The following ATP10B variants were observed in gnomAD, a reference collection of about 807,000 sequenced individuals.
ATP10B encodes phospholipid-transporting ATPase VB.
In ATP10B, 122 loss-of-function variants were observed where a neutral mutation model predicts 141.2. That is an observed-to-expected ratio of 0.86 (90% CI 0.75 to 1.00). The LOEUF (loss-of-function observed/expected upper bound fraction) is 1.00, where lower values mean the gene tolerates loss of function less well. ATP10B is among the 50% of genes least tolerant of loss of function. ATP10B has a pLI of 0.00. For synonymous variants in ATP10B, 685 were observed against 692.0 expected, an observed-to-expected ratio of 0.99 and a Z score of 0.16; for missense variants, 1,876 against 1,825.3, an observed-to-expected ratio of 1.03 and a Z score of -0.51.
chr5:160,850,568 G>GTTCCA (rs1330364235), intron 1 of ATP10B, among the ~76,000 whole-genome samples: 1 of 152,162 alleles, frequency 6.6e-6, no homozygotes, highest in Non-Finnish European at 1.5e-5. Context: ...GCTAGACTAA[G>GTTCCA]TTCCATTCCA....
At chr5:160,698,407 ATATAT>A (rs1277221148) in intron 3 of ATP10B, among the ~76,000 whole-genome samples, 2 of 152,166 alleles carry the variant, frequency 1.3e-5, no homozygotes, top group Admixed American at 1.3e-4. Context: ...GTTGAGATTA[ATATAT>A]TATAATTTTA....
intron 6 of ATP10B, among the ~76,000 whole-genome samples, chr5:160,679,634 G>T (rs1471680757): frequency 6.6e-6 from 1 of 152,232 alleles, no homozygotes; most frequent in African/African-American, 2.4e-5. Flanking sequence ...CTATTTGTAA[G>T]TTCCTCGTGA....
At chr5:160,581,817 A>T (rs1012682246) in intron 24 of ATP10B, among the ~76,000 whole-genome samples, 1 of 152,204 alleles carries the variant, frequency 6.6e-6, no homozygotes, top group Non-Finnish European at 1.5e-5. Context: ...AACTTGATTT[A>T]TGAATCTGGG....
At chr5:160,640,350 G>T in intron 10 of ATP10B, 111 bp downstream of exon 10, 2 of 1,230,696 alleles carry the variant, frequency 1.6e-6, no homozygotes, top group African/African-American at 1.5e-5. Context: ...GTTAAAGTGG[G>T]CAGGGTAGGC....
intron 2 of ATP10B, among the ~76,000 whole-genome samples, chr5:160,766,297 A>G (rs1769404175): frequency 1.3e-5 from 2 of 150,418 alleles, no homozygotes; most frequent in South Asian, 2.1e-4. Flanking sequence ...AAAATACGGA[A>G]CCAGCCTAAA....
intron 3 of ATP10B, among the ~76,000 whole-genome samples, chr5:160,704,779 T>C (rs1278356272): frequency 6.6e-6 from 1 of 152,192 alleles, no homozygotes; most frequent in Admixed American, 6.5e-5. Flanking sequence ...GCTAGATCTT[T>C]TGATAACTTG....
intron 2 of ATP10B, among the ~76,000 whole-genome samples, chr5:160,773,206 G>A (rs1450462955): frequency 1.3e-5 from 2 of 152,194 alleles, no homozygotes; most frequent in Non-Finnish European, 2.9e-5. Flanking sequence ...GTTTTGAAAA[G>A]TAGAGAAGCC....
rs1344813535 is a variant in ATP10B at position 160,819,437 on chromosome 5, TC to T, written c.-576+32503del. On this transcript the variant is annotated intron_variant, in intron 1 of 25. Coordinates refer to ENST00000327245, the MANE Select transcript of ATP10B (RefSeq NM_025153.3). Reference sequence around the variant, plus strand: ...CTACAAGAAGTATTAAAGGGACTACTCCCATCTGAAGAAAATGACATTAATG... The same window carrying T: ...CTACAAGAAGTATTAAAGGGACTACTCCATCTGAAGAAAATGACATTAATG... Among the ~76,000 whole-genome samples the T allele has an allele frequency of 3.3e-5, 5 of 152,166 alleles. No homozygotes were observed. The East Asian group carries it at 9.6e-4, about 29-fold the overall frequency.
intron 24 of ATP10B, among the ~76,000 whole-genome samples, chr5:160,588,195 C>A (rs1242007378): frequency 6.6e-6 from 1 of 152,150 alleles, no homozygotes; most frequent in African/African-American, 2.4e-5. Context: ...TGTAAACAGA[C>A]AATTTTACTT....
chr5:160,654,497 A>T (rs916515042), intron 7 of ATP10B, among the ~76,000 whole-genome samples: 3 of 152,166 alleles, frequency 2.0e-5, no homozygotes, highest in Non-Finnish European at 4.4e-5. Context: ...CTTTCCAGAG[A>T]AGAGTGTGTG....
At chr5:160,818,127 A>G (rs1773810823) in intron 1 of ATP10B, among the ~76,000 whole-genome samples, 1 of 152,232 alleles carries the variant, frequency 6.6e-6, no homozygotes, top group African/African-American at 2.4e-5. Flanking sequence ...AGCAATGGCA[A>G]CAAAAGCCAA....
At chr5:160,758,535 C>T (rs1163885422) in intron 2 of ATP10B, among the ~76,000 whole-genome samples, 1 of 152,190 alleles carries the variant, frequency 6.6e-6, no homozygotes, top group Non-Finnish European at 1.5e-5. Context: ...AAAACATTGA[C>T]ATGGAGGGAA....
intron 24 of ATP10B, among the ~76,000 whole-genome samples, chr5:160,586,041 ATGG>A (rs904021218): frequency 6.6e-6 from 1 of 152,202 alleles, no homozygotes; most frequent in African/African-American, 2.4e-5. Context: ...TACATGTGCC[ATGG>A]TGGTTTGCTG....
chr5:160,910,453 T>G, the ATP10B span, among the ~76,000 whole-genome samples: 12 of 152,294 alleles, frequency 7.9e-5, no homozygotes, highest in East Asian at 2.3e-3. Context: ...AGCCCCTATA[T>G]CGAGAACAAA....
At chr5:160,673,905 T>A (rs1436952550) in intron 6 of ATP10B, among the ~76,000 whole-genome samples, 1 of 152,218 alleles carries the variant, frequency 6.6e-6, no homozygotes, top group Non-Finnish European at 1.5e-5. Context: ...AGAGACTGGT[T>A]TTCTTTTTTC....
intron 24 of ATP10B, among the ~76,000 whole-genome samples, chr5:160,574,874 C>G (rs1225617284): frequency 6.6e-6 from 1 of 151,490 alleles, no homozygotes; most frequent in Non-Finnish European, 1.5e-5. Flanking sequence ...CAGTGCTCAC[C>G]AGACTCTGAA....
At chr5:160,775,593 A>G (rs1438421021) in intron 2 of ATP10B, among the ~76,000 whole-genome samples, 1 of 151,366 alleles carries the variant, frequency 6.6e-6, no homozygotes, top group African/African-American at 2.4e-5. Context: ...CTATTCTTGT[A>G]TGTTGCCTGG....
the ATP10B span, among the ~76,000 whole-genome samples, chr5:160,869,842 C>A: frequency 6.6e-6 from 1 of 152,066 alleles, no homozygotes; most frequent in Non-Finnish European, 1.5e-5. Context: ...CCAGAAGGAC[C>A]CTGTCATGAG....
intron 2 of ATP10B, among the ~76,000 whole-genome samples, chr5:160,758,725 G>T (rs930297051): frequency 1.3e-5 from 2 of 152,176 alleles, no homozygotes; most frequent in Non-Finnish European, 2.9e-5. Flanking sequence ...TTGGGGCCTG[G>T]TTATTCCTCC....
Sources: gnomAD v4.1 joint callset for allele counts (sites outside exome capture counted in the v4.1 genomes callset) on GRCh38, gnomAD v4.1.1 for gene constraint, MANE v1.5 for transcripts, NCBI Gene and HGNC (gene_info 2026-07-23, HGNC 2026-07-21) for gene names.